SPATA6L: variants seen among roughly 807,000 people sequenced by gnomAD.
The protein encoded by SPATA6L is spermatogenesis associated 6 like, also known as spermatogenesis associated 6-like protein.
SPATA6L carries 68 observed loss-of-function variants against 49.2 expected under a neutral mutation model. The observed-to-expected ratio is 1.38, with a 90% confidence interval of 1.14 to 1.69. The LOEUF is 1.69. Among genes scored for constraint, SPATA6L ranks in the 40% most tolerant of loss-of-function variants. SPATA6L has a pLI of 0.00. For synonymous variants in SPATA6L, 198 were observed against 165.7 expected (o/e 1.19, Z -1.50); for missense variants, 668 against 464.3 (o/e 1.44, Z -4.03).
chr9:4,650,502 A>G (rs1836568809), intron 3 of SPATA6L, among the ~76,000 whole-genome samples: 1 of 152,222 alleles, frequency 6.6e-6, no homozygotes. Flanking sequence ...CAGAAAAGCA[A>G]CACAGAAAAT....
rs757339255 is a variant in SPATA6L, at chr9:4,661,938, C to T, written c.138G>A (p.Ala46=). 7 of 1,613,712 alleles carry T rather than the reference C, an allele frequency of 4.3e-6. No individual in the cohort carries two copies. Among genetic ancestry groups the T allele is most frequent in the Non-Finnish European group, 5.1e-6 (6 of 1,179,844 alleles). The change falls in exon 2 of 12, where the codon GCG becomes GCA. Residue 46 remains alanine, a synonymous_variant. Coordinates refer to ENST00000682582, the MANE Select transcript of SPATA6L (RefSeq NM_001353486.2). ...TGCTCTCCTGAATCATAATGGGGAA[C>T]GCAGAGGGAAAGCTGTTGGTCTCCA... ...QYLETNSFPS[A]FPIMIQESMR...
intron 3 of SPATA6L, among the ~76,000 whole-genome samples, chr9:4,647,632 T>G (rs1035253836): frequency 2.6e-5 from 4 of 151,918 alleles, no homozygotes; most frequent in African/African-American, 9.7e-5. Context: ...ATATAAAACT[T>G]TTTAAACTTT....
intron 3 of SPATA6L, 92 bp from the exon 4 acceptor site, chr9:4,635,491 A>C: frequency 7.7e-7 from 1 of 1,297,262 alleles, no homozygotes; most frequent in Non-Finnish European, 1.0e-6. Context: ...CAGAGATGGC[A>C]CTCAGGTAAA....
At chr9:4,641,680 G>C (rs1446995521) in intron 3 of SPATA6L, among the ~76,000 whole-genome samples, 2 of 152,290 alleles carry the variant, frequency 1.3e-5, no homozygotes, top group African/African-American at 2.4e-5. Context: ...ACTATATATA[G>C]GGTATGCGCG....
chr9:4,661,229 A>T (rs1465270261), intron 2 of SPATA6L, among the ~76,000 whole-genome samples: 3 of 152,224 alleles, frequency 2.0e-5, no homozygotes, highest in Non-Finnish European at 4.4e-5. Flanking sequence ...AAATCATTAG[A>T]CTTATTAAGG....
At chr9:4,657,534 T>A (rs1302357247) in intron 2 of SPATA6L, among the ~76,000 whole-genome samples, 5 of 151,080 alleles carry the variant, frequency 3.3e-5, no homozygotes, top group Non-Finnish European at 7.4e-5. Context: ...ACAGAAACTG[T>A]TTTTTAAAAA....
At chr9:4,635,470 G>A (rs1285040100) in intron 3 of SPATA6L, 71 bp from the exon 4 acceptor site, 2 of 1,440,856 alleles carry the variant, frequency 1.4e-6, no homozygotes, top group South Asian at 1.4e-5. Flanking sequence ...AAAAGTTCAG[G>A]CAGATGATGG....
intron 3 of SPATA6L, chr9:4,646,350 T>C (rs1319170945): frequency 1.1e-5 from 5 of 458,288 alleles, no homozygotes; most frequent in African/African-American, 1.0e-4. Flanking sequence ...AAGGCATGTG[T>C]TATATAAACT....
At chr9:4,597,209 T>G (rs10815026), downstream of SPATA6L, among the ~76,000 whole-genome samples, 94,637 of 151,756 alleles carry the variant, frequency 0.62, 32,096 homozygotes, top group Non-Finnish European at 0.77. Flanking sequence ...GCCTAGCATT[T>G]TGGGAGGCCG....
Position 4,662,883 on chromosome 9 carries a change from C to T in SPATA6L, c.40-847G>A, listed in dbSNP as rs767562460. 19 of 1,606,720 alleles carry T rather than the reference C, an allele frequency of 1.2e-5. No individual in the cohort carries two copies. The highest frequency in any genetic ancestry group is 1.5e-5 in the Non-Finnish European group (18 of 1,179,976). On this transcript the variant is annotated intron_variant, in intron 1 of 11. Coordinates refer to ENST00000682582, the MANE Select transcript of SPATA6L (RefSeq NM_001353486.2). This position sits in a 1 kb window ranked among gnomAD's most constrained non-coding sequence, Gnocchi z 4.9. ...CGGGCGCGAGGTGCTGATGAACCTG[C>T]TCTTCGCCCTGCTGTTGGACCTGCT...
rs377510949 is a variant in SPATA6L, at chr9:4,663,412, T to G, written c.40-1376A>C. The G allele has an allele frequency of 2.8e-5, 24 of 855,730 alleles. No individual in the cohort carries two copies. In the African/African-American group the frequency reaches 3.0e-4, roughly 11 times the overall value. The allele number at this position is 855,730 out of a possible 1,614,324, so 53.0% of individuals were successfully genotyped here. On this transcript the variant is annotated intron_variant, in intron 1 of 11. Coordinates refer to ENST00000682582, the MANE Select transcript of SPATA6L (RefSeq NM_001353486.2). The stretch of plus-strand genomic sequence containing the variant: ...GTGTCCCATGATCTTGATGTGCTGC[T>G]AGGCTGGAGCACACACTGGCCATTA...
At chr9:4,641,362 C>G (rs191198463) in intron 3 of SPATA6L, among the ~76,000 whole-genome samples, 1 of 151,562 alleles carries the variant, frequency 6.6e-6, no homozygotes, top group African/African-American at 2.4e-5. Context: ...GGTGTAGTTG[C>G]GGTGAGTTGG....
chr9:4,654,404 C>A (rs1950378075), intron 3 of SPATA6L, among the ~76,000 whole-genome samples: 1 of 152,142 alleles, frequency 6.6e-6, no homozygotes, highest in Non-Finnish European at 1.5e-5. Context: ...GGGTTCCGAC[C>A]CCATAGCACT....
chr9:4,657,119 C>T (rs1838456665), intron 2 of SPATA6L, among the ~76,000 whole-genome samples: 1 of 152,120 alleles, frequency 6.6e-6, no homozygotes, highest in Non-Finnish European at 1.5e-5. Context: ...CTGTCTTTCC[C>T]CCTAAGCTCT....
chr9:4,629,177 C>T lies in SPATA6L; in HGVS notation c.352-9G>A, dbSNP rs775540602. 2.6e-6 allele frequency: 4 copies of T among 1,530,372 alleles called. No homozygotes were observed. Among genetic ancestry groups the T allele is most frequent in the Non-Finnish European group, 3.5e-6 (4 of 1,134,214 alleles). The allele number at this position is 1,530,372 out of a possible 1,614,324, so 94.8% of individuals were successfully genotyped here. Reference sequence around the variant, plus strand: ...ATTTTGGGAGCAATGCCCTATAAAACAGCATAAAAAAAGCAAATAAAATTA... The same window carrying T: ...ATTTTGGGAGCAATGCCCTATAAAATAGCATAAAAAAAGCAAATAAAATTA... On this transcript the variant is annotated splice_polypyrimidine_tract_variant and intron_variant, in intron 4 of 11. Coordinates refer to ENST00000682582, the MANE Select transcript of SPATA6L (RefSeq NM_001353486.2).
downstream of SPATA6L, among the ~76,000 whole-genome samples, chr9:4,595,307 T>C (rs1476357298): frequency 6.6e-6 from 1 of 152,158 alleles, no homozygotes; most frequent in African/African-American, 2.4e-5. Flanking sequence ...CCAGCCCTGA[T>C]GTCTAATCAG....
intron 3 of SPATA6L, among the ~76,000 whole-genome samples, chr9:4,651,838 A>G (rs961670191): frequency 1.3e-5 from 2 of 152,238 alleles, no homozygotes; most frequent in African/African-American, 4.8e-5. Flanking sequence ...CCATATTTTA[A>G]TATTACAACT....
chr9:4,630,934 A>T (rs550545704), intron 4 of SPATA6L, among the ~76,000 whole-genome samples: 13 of 152,340 alleles, frequency 8.5e-5, no homozygotes, highest in African/African-American at 3.1e-4. Flanking sequence ...CATTCATGAC[A>T]AAACTGGGAA....
chr9:4,625,049 A>G (rs766037248), intron 6 of SPATA6L, among the ~76,000 whole-genome samples: 7 of 152,228 alleles, frequency 4.6e-5, no homozygotes, highest in Admixed American at 1.3e-4. Context: ...ATGGCAAGTT[A>G]TCATGTGTAG....
Sources: allele counts gnomAD v4.1 joint callset (sites outside exome capture counted in the v4.1 genomes callset), GRCh38; gene constraint gnomAD v4.1.1; non-coding constraint Gnocchi (gnomAD v3.1); transcripts MANE v1.5; gene names NCBI Gene and HGNC (gene_info 2026-07-23, HGNC 2026-07-21).